C12orf42: variants seen among roughly 807,000 people sequenced by gnomAD.
C12orf42 encodes the protein chromosome 12 open reading frame 42.
In C12orf42, 25 loss-of-function variants were observed where a neutral mutation model predicts 21.6. The ratio of observed to expected loss-of-function variants is 1.16; its 90% CI spans 0.84 to 1.62. The LOEUF (loss-of-function observed/expected upper bound fraction) is 1.62, where lower values mean the gene tolerates loss of function less well. C12orf42 is among the 40% of genes most tolerant of loss of function. The pLI, the probability that C12orf42 is intolerant of heterozygous loss-of-function variation, is 0.00. For missense variants in C12orf42, 483 were observed against 459.3 expected (o/e 1.05, Z -0.47); for synonymous variants, 174 against 175.0 (o/e 0.99, Z 0.05).
At chr12:103,139,537 AG>A in the C12orf42 span, among the ~76,000 whole-genome samples, 2 of 152,178 alleles carry the variant, frequency 1.3e-5, no homozygotes, top group East Asian at 1.9e-4. Context: ...AAGAGCAAAA[AG>A]GGGGCCAAAA....
rs770355686 is a variant in C12orf42 at position 103,478,381 on chromosome 12, G to C, written c.46C>G (p.Leu16Val). ...CMKQREEEFL[L>V]TIRPFANRMQ... is the part of the protein sequence containing the mutation. ...CTGTTTGCAAAAGGTCTGATGGTTA[G>C]CAAGAATTCTTCTTCCCTTTGTTTC... Residue 16 changes from leucine to valine, a missense_variant, in exon 2 of 6, where the codon CTA (leucine) becomes GTA (valine). Coordinates refer to ENST00000548883, the MANE Select transcript of C12orf42 (RefSeq NM_198521.5). 6.2e-7 allele frequency: 1 copy of C among 1,604,570 alleles called. No homozygotes were observed. The highest frequency in any genetic ancestry group is 1.1e-5 in the South Asian group (1 of 89,562).
the C12orf42 span, among the ~76,000 whole-genome samples, chr12:103,085,946 C>G: frequency 1.3e-5 from 2 of 152,178 alleles, no homozygotes; most frequent in Non-Finnish European, 2.9e-5. Context: ...TCGCCAAGCT[C>G]CATACAGAAT....
At chr12:103,502,013 C>T in the C12orf42 span, among the ~76,000 whole-genome samples, 1 of 152,148 alleles carries the variant, frequency 6.6e-6, no homozygotes, top group Non-Finnish European at 1.5e-5. Context: ...TCATGGTAGG[C>T]GTTCAAAAGA....
chr12:103,054,474 T>C, the C12orf42 span, among the ~76,000 whole-genome samples: 1 of 151,342 alleles, frequency 6.6e-6, no homozygotes, highest in Non-Finnish European at 1.5e-5. Flanking sequence ...TCTAAGAGGC[T>C]TTTTTTTGCA....
chr12:103,503,288 A>AGGGGCC, the C12orf42 span: 1 of 152,248 alleles, frequency 6.6e-6, no homozygotes, highest in South Asian at 2.1e-4. Flanking sequence ...AGGAGGGCCC[A>AGGGGCC]GGGGCCAGGG....
chr12:103,261,600 A>T (rs1343841612), intron 10 of C12orf42, among the ~76,000 whole-genome samples: 1 of 151,940 alleles, frequency 6.6e-6, no homozygotes, highest in Non-Finnish European at 1.5e-5. Context: ...CAGAGAAGAC[A>T]CTCTGTAAAT....
intron 4 of C12orf42, among the ~76,000 whole-genome samples, chr12:103,320,625 C>T (rs1384888503): frequency 6.6e-6 from 1 of 152,112 alleles, no homozygotes; most frequent in Non-Finnish European, 1.5e-5. Context: ...GCTTTCTTAA[C>T]TGACAATTGT....
chr12:103,228,089 A>G, the C12orf42 span, among the ~76,000 whole-genome samples: 1 of 152,192 alleles, frequency 6.6e-6, no homozygotes, highest in African/African-American at 2.4e-5. Flanking sequence ...CCCTGATCAG[A>G]GTCACGGCAC....
At chr12:103,416,033 G>GT (rs1165415665) in intron 2 of C12orf42, among the ~76,000 whole-genome samples, 2 of 53,488 alleles carry the variant, frequency 3.7e-5, no homozygotes, top group Admixed American at 2.8e-4. Flanking sequence ...TTGTTTAGTG[G>GT]GTTTTTTTTT....
rs189486498 is a variant in C12orf42, at chr12:103,347,541, A to G, written c.259+21346T>C. ...TGCTAAGAAATGTAGACAAGGTTACATGGCAAAATTCCATAAAATCAACAA... is the reference window on the plus strand; with the variant it reads ...TGCTAAGAAATGTAGACAAGGTTACGTGGCAAAATTCCATAAAATCAACAA... On this transcript the variant is annotated intron_variant, in intron 4 of 5. Transcript: ENST00000548883. Among the ~76,000 whole-genome samples, 89 of 152,322 alleles carry G rather than the reference A, an allele frequency of 5.8e-4. 1 individual carries two copies. The highest frequency in any genetic ancestry group is 1.8e-4 in the Non-Finnish European group (12 of 68,040).
At chr12:103,047,665 G>C in the C12orf42 span, among the ~76,000 whole-genome samples, 1 of 152,164 alleles carries the variant, frequency 6.6e-6, no homozygotes, top group Non-Finnish European at 1.5e-5. Context: ...TCTGGGCCTC[G>C]GGTTTGATGG....
the C12orf42 span, chr12:103,164,778 T>C: frequency 2.2e-6 from 1 of 447,634 alleles, no homozygotes; most frequent in Non-Finnish European, 4.5e-6. Flanking sequence ...GCTTTGATTC[T>C]GTCGTATTGA....
At chr12:103,383,035 T>C (rs964884458) in intron 3 of C12orf42, among the ~76,000 whole-genome samples, 7 of 152,172 alleles carry the variant, frequency 4.6e-5, no homozygotes, top group African/African-American at 1.2e-4. Context: ...CTGTACATTG[T>C]CCTTGTCACA....
intron 4 of C12orf42, among the ~76,000 whole-genome samples, chr12:103,285,206 C>G (rs2036369864): frequency 6.6e-6 from 1 of 152,128 alleles, no homozygotes; most frequent in Non-Finnish European, 1.5e-5. Flanking sequence ...ATATCACAGG[C>G]AATTAAAGAA....
intron 2 of C12orf42, among the ~76,000 whole-genome samples, chr12:103,445,394 T>C (rs1384263602): frequency 6.6e-6 from 1 of 152,096 alleles, no homozygotes; most frequent in Non-Finnish European, 1.5e-5. Context: ...AAATTTGTAC[T>C]GGTTCTAATT....
chr12:103,120,533 G>A, the C12orf42 span, among the ~76,000 whole-genome samples: 69 of 152,044 alleles, frequency 4.5e-4, no homozygotes, highest in Middle Eastern at 3.4e-3. Context: ...GGGAGATACC[G>A]GTGCCTTAAT....
chr12:103,506,858 TTA>T, the C12orf42 span, among the ~76,000 whole-genome samples: 1,669 of 72,076 alleles, frequency 0.023, 93 homozygotes, highest in East Asian at 0.08. Context: ...TATTTATATA[TTA>T]TATATATATA....
At chr12:103,089,608 G>GGT in the C12orf42 span, among the ~76,000 whole-genome samples, 1 of 135,876 alleles carries the variant, frequency 7.4e-6, no homozygotes. Context: ...TTATTAAGAG[G>GGT]GTGTGTGTGT....
intron 1 of C12orf42, among the ~76,000 whole-genome samples, chr12:103,480,693 A>G (rs950796695): frequency 2.0e-5 from 3 of 151,688 alleles, no homozygotes; most frequent in Non-Finnish European, 4.4e-5. Context: ...GTTTAAATGT[A>G]TGCTATTTCC....
Sources: gnomAD v4.1 joint callset for allele counts (sites outside exome capture counted in the v4.1 genomes callset) on GRCh38, gnomAD v4.1.1 for gene constraint, MANE v1.5 for transcripts, NCBI Gene and HGNC (gene_info 2026-07-23, HGNC 2026-07-21) for gene names.